Variants in WDR88 observed in about 807,000 individuals in gnomAD.
WDR88 encodes the protein WD repeat domain 88.
In WDR88, 40 loss-of-function variants were observed where a neutral mutation model predicts 46.8. The observed-to-expected ratio is 0.86, with a 90% confidence interval of 0.66 to 1.11. WDR88 has a LOEUF of 1.11. Among genes scored for constraint, WDR88 ranks in the 50% most tolerant of loss-of-function variants. The pLI is 0.00. For missense variants in WDR88, 562 were observed against 602.4 expected (o/e 0.93, Z 0.70); for synonymous variants, 235 against 240.7 (o/e 0.98, Z 0.22).
chr19:33,156,623 A>G (rs996355616), intron 7 of WDR88, 81 bp downstream of exon 7: 1 of 1,456,964 alleles, frequency 6.9e-7, no homozygotes, highest in Non-Finnish European at 9.2e-7. Context: ...AAATGGACAG[A>G]GAGGCAATTT....
In WDR88 at chr19:33,133,198, T is replaced by TAAAGAG. The variant is rs1555723214; in HGVS notation, c.276+754_276+755insAAGAGA. Among the ~76,000 whole-genome samples, 84 of 79,816 alleles carry TAAAGAG rather than the reference T, an allele frequency of 1.1e-3. 1 individual carries two copies. The highest frequency in any genetic ancestry group is 2.7e-3 in the African/African-American group (83 of 30,686). The allele number at this position is 79,816 out of a possible 152,430, so 52.4% of individuals were successfully genotyped here. ...AAATAAATAAATAAATAAATAAATA[T>TAAAGAG]AGAGAGAGAGAGAGAAAGAAAGAAA... On this transcript the variant is annotated intron_variant, in intron 1 of 10. Coordinates refer to ENST00000355868, the MANE Select transcript of WDR88 (RefSeq NM_173479.4).
intron 7 of WDR88, among the ~76,000 whole-genome samples, chr19:33,157,549 ATG>A (rs1308194530): frequency 2.2e-4 from 28 of 128,440 alleles, no homozygotes; most frequent in Non-Finnish European, 4.3e-4. Flanking sequence ...ATGTATATAT[ATG>A]TGTATATATA....
intron 7 of WDR88, among the ~76,000 whole-genome samples, chr19:33,157,673 G>A (rs2404544): frequency 0.089 from 99 of 1,116 alleles, 4 homozygotes; most frequent in African/African-American, 0.23. Context: ...ATGTATGTGT[G>A]TGTGTGTATG....
At chr19:33,133,157 GAATAAATAAATAAATA>G (rs375517673) in intron 1 of WDR88, among the ~76,000 whole-genome samples, 7 of 105,718 alleles carry the variant, frequency 6.6e-5, no homozygotes, top group African/African-American at 2.6e-4. Context: ...ACTGTCTCCA[GAATAAATAAATAAATA>G]AATAAATAAA....
At position 33,133,327 on chromosome 19, in the gene WDR88, C is replaced by T. The variant is rs763320774; in HGVS notation, c.276+882C>T. Among the ~76,000 whole-genome samples, 125 of 152,054 alleles carry T rather than the reference C, an allele frequency of 8.2e-4. 1 individual carries two copies. Among genetic ancestry groups the T allele is most frequent in the Non-Finnish European group, 3.5e-4 (24 of 67,992 alleles). On this transcript the variant is annotated intron_variant, in intron 1 of 10. Coordinates refer to ENST00000355868, the MANE Select transcript of WDR88 (RefSeq NM_173479.4). Reference sequence around the variant, plus strand: ...CTTTGGGAAGCCGAGATGAGCAGATCACTTGAGGTCAAGGGTTCGAGACCA... The same window carrying T: ...CTTTGGGAAGCCGAGATGAGCAGATTACTTGAGGTCAAGGGTTCGAGACCA...
intron 1 of WDR88, among the ~76,000 whole-genome samples, chr19:33,133,238 AAG>A (rs1440367420): frequency 5.4e-5 from 8 of 147,036 alleles, no homozygotes; most frequent in Non-Finnish European, 5.9e-5. Flanking sequence ...AAGAAAAAGA[AAG>A]AAAGAAGGAG....
At position 33,148,780 on chromosome 19, in the gene WDR88, C is replaced by A. The variant is rs748433753; in HGVS notation, c.549C>A (p.Val183=). The change falls in exon 5 of 11, where the codon GTC becomes GTA. Residue 183 remains valine, a synonymous_variant. Coordinates refer to ENST00000355868, the MANE Select transcript of WDR88 (RefSeq NM_173479.4). ...DLETGKLLWK[V]RYDTFIVSCK... ...TTGCTGGCTCATTTCAGTGGAAGGT[C>A]AGGTATGATACCTTCATCGTCTCCT... The A allele has an allele frequency of 6.2e-7, 1 of 1,614,102 alleles. No individual in the cohort carries two copies. Among genetic ancestry groups the A allele is most frequent in the Non-Finnish European group, 8.5e-7 (1 of 1,180,036 alleles).
At chr19:33,151,661 C>A (rs948643610) in intron 6 of WDR88, among the ~76,000 whole-genome samples, 13 of 152,136 alleles carry the variant, frequency 8.5e-5, no homozygotes, top group African/African-American at 3.1e-4. Context: ...GGGAGGATCA[C>A]TTCAGGCCAG....
At chr19:33,137,632 G>A in intron 1 of WDR88, 45 bp from the exon 2 acceptor site, 2 of 1,474,504 alleles carry the variant, frequency 1.4e-6, no homozygotes, top group Non-Finnish European at 1.9e-6. Flanking sequence ...CATTGATTTT[G>A]TGTCCTGCAA....
At chr19:33,134,652 A>T (rs1973213655) in intron 1 of WDR88, among the ~76,000 whole-genome samples, 1 of 151,738 alleles carries the variant, frequency 6.6e-6, no homozygotes. Flanking sequence ...TGGGGTAGGG[A>T]GCCAACCCTG....
chr19:33,152,044 C>G (rs947496818), intron 6 of WDR88, among the ~76,000 whole-genome samples: 3 of 151,768 alleles, frequency 2.0e-5, no homozygotes, highest in African/African-American at 7.3e-5. Flanking sequence ...CCAGCCTGGT[C>G]AACATAGTGA....
At chr19:33,163,840 C>T (rs1473768332) in intron 8 of WDR88, among the ~76,000 whole-genome samples, 1 of 151,988 alleles carries the variant, frequency 6.6e-6, no homozygotes, top group African/African-American at 2.4e-5. Context: ...CACTATGTTG[C>T]CCGGGCTGGT....
chr19:33,159,712 C>T (rs1305895779), intron 7 of WDR88, among the ~76,000 whole-genome samples: 1 of 152,084 alleles, frequency 6.6e-6, no homozygotes, highest in Non-Finnish European at 1.5e-5. Context: ...ACCTTTCTGG[C>T]GCCAGGGACA....
intron 6 of WDR88, among the ~76,000 whole-genome samples, chr19:33,155,949 C>A (rs950351176): frequency 2.0e-5 from 3 of 152,222 alleles, no homozygotes; most frequent in African/African-American, 7.2e-5. Flanking sequence ...GTGGTTGGCC[C>A]AGTGCCGTGG....
rs527675856 is a variant in WDR88 at position 33,144,699 on chromosome 19, C to G, written c.388-145C>G. The stretch of plus-strand genomic sequence containing the variant: ...CATGTTGCAAAGTCCTTTCCTCTTT[C>G]GGAGCTGAGTGAGAGTCCCAGGACC... On this transcript the variant is annotated intron_variant, in intron 2 of 10. Transcript: ENST00000355868. 2.1e-5 allele frequency: 15 copies of G among 712,732 alleles called. No homozygotes were observed. In the East Asian group the frequency reaches 3.8e-4, roughly 18 times the overall value. The allele number at this position is 712,732 out of a possible 1,614,324, so 44.2% of individuals were successfully genotyped here.
At chr19:33,147,522 G>T (rs1973543261) in intron 3 of WDR88, 123 bp from the exon 4 acceptor site, 2 of 857,348 alleles carry the variant, frequency 2.3e-6, no homozygotes, top group East Asian at 2.9e-5. Flanking sequence ...AGGGTCGTTT[G>T]AACCTGGGAG....
At chr19:33,140,240 A>T (rs1026179271) in intron 2 of WDR88, among the ~76,000 whole-genome samples, 7 of 152,174 alleles carry the variant, frequency 4.6e-5, no homozygotes, top group Non-Finnish European at 7.4e-5. Flanking sequence ...CTGCAGCCTC[A>T]ACCTCCTGGA....
intron 1 of WDR88, among the ~76,000 whole-genome samples, chr19:33,137,238 C>A (rs1358683019): frequency 6.7e-6 from 1 of 148,958 alleles, no homozygotes; most frequent in East Asian, 2.0e-4. Context: ...AGGGATGAGC[C>A]ACCGTGCCCA....
chr19:33,163,656 T>C (rs76273441), intron 8 of WDR88, among the ~76,000 whole-genome samples: 3 of 151,562 alleles, frequency 2.0e-5, no homozygotes, highest in African/African-American at 7.3e-5. Context: ...TTTTTTTTTT[T>C]TGAGACAGTC....
Sources: gnomAD v4.1 joint callset for allele counts (sites outside exome capture counted in the v4.1 genomes callset) on GRCh38, gnomAD v4.1.1 for gene constraint, MANE v1.5 for transcripts, NCBI Gene and HGNC (gene_info 2026-07-23, HGNC 2026-07-21) for gene names.